The following DZANK1 variants were observed in gnomAD, a reference collection of about 807,000 sequenced individuals.
DZANK1 encodes double zinc ribbon and ankyrin repeat domains 1, also known as double zinc ribbon and ankyrin repeat-containing protein 1.
In DZANK1, 91 loss-of-function variants were observed where a neutral mutation model predicts 94.5. The observed-to-expected ratio is 0.96, with a 90% CI of 0.81 to 1.15. The LOEUF (loss-of-function observed/expected upper bound fraction) is 1.15, where lower values mean the gene tolerates loss of function less well. Ranked by LOEUF, DZANK1 falls within the 50% of genes most tolerant of loss-of-function variation. The pLI is 0.00. For synonymous variants in DZANK1, 312 were observed against 325.3 expected (o/e 0.96, Z 0.44); for missense variants, 903 against 916.4 (o/e 0.99, Z 0.19).
intron 7 of DZANK1, among the ~76,000 whole-genome samples, chr20:18,447,243 A>AG (rs2058911413): frequency 1.3e-5 from 2 of 152,058 alleles, no homozygotes; most frequent in Non-Finnish European, 2.9e-5. Context: ...TGGGAGGTTG[A>AG]GGGGAGCAGA....
At chr20:18,392,164 TAC>T (rs1347820589) in intron 17 of DZANK1, among the ~76,000 whole-genome samples, 11 of 152,242 alleles carry the variant, frequency 7.2e-5, no homozygotes, top group African/African-American at 2.4e-4. Context: ...ATTCAGGTTA[TAC>T]ACAGAGTAAA....
chr20:18,438,218 CAAAAAAA>C (rs761846698), intron 8 of DZANK1, among the ~76,000 whole-genome samples: 1 of 57,756 alleles, frequency 1.7e-5, no homozygotes, highest in African/African-American at 7.2e-5. Flanking sequence ...GACTCTGTCT[CAAAAAAA>C]AAAAAAAAAA....
chr20:18,447,431 C>G (rs1601097762), intron 7 of DZANK1, among the ~76,000 whole-genome samples: 1 of 152,222 alleles, frequency 6.6e-6, no homozygotes. Flanking sequence ...AAGCGATTCT[C>G]CTGCCTCAGC....
chr20:18,386,807 T>C (rs550790250), intron 19 of DZANK1, among the ~76,000 whole-genome samples: 1 of 152,176 alleles, frequency 6.6e-6, no homozygotes, highest in African/African-American at 2.4e-5. Context: ...AAAGGCCAAC[T>C]GGGTGAATCA....
intron 3 of DZANK1, among the ~76,000 whole-genome samples, chr20:18,459,275 A>C (rs1237604727): frequency 1.3e-5 from 2 of 152,264 alleles, no homozygotes; most frequent in Non-Finnish European, 2.9e-5. Context: ...CACACACTTT[A>C]AAACAATAAT....
chr20:18,464,083 T>G (rs1231145515), intron 2 of DZANK1, among the ~76,000 whole-genome samples: 2 of 151,996 alleles, frequency 1.3e-5, no homozygotes, highest in Admixed American at 1.3e-4. Flanking sequence ...CTTTTTCTTT[T>G]TTTTTTTTGA....
intron 9 of DZANK1, among the ~76,000 whole-genome samples, chr20:18,429,284 A>G (rs2056065740): frequency 6.6e-6 from 1 of 152,230 alleles, no homozygotes; most frequent in Non-Finnish European, 1.5e-5. Context: ...TTACTTCTCA[A>G]GTCCAACGGC....
exon 16 of DZANK1, chr20:18,394,343 T>A: frequency 6.2e-7 from 1 of 1,613,478 alleles, no homozygotes; most frequent in Non-Finnish European, 8.5e-7. Flanking sequence ...CTTGTTCAGG[T>A]AAAGGTTCTG....
exon 3 of DZANK1, chr20:18,460,270 C>T (rs2059430577): frequency 1.3e-6 from 2 of 1,584,692 alleles, no homozygotes; most frequent in Non-Finnish European, 1.7e-6. Flanking sequence ...AGGTTTGCTG[C>T]CATCCAGAGT....
intron 4 of DZANK1, 99 bp from the exon 5 acceptor site, chr20:18,453,926 G>C (rs1228069941): frequency 1.2e-6 from 1 of 855,800 alleles, no homozygotes; most frequent in East Asian, 2.4e-5. Flanking sequence ...TTTCTTATTT[G>C]AAAGAGTTTA....
At chr20:18,387,832 G>A (rs982565333) in intron 19 of DZANK1, among the ~76,000 whole-genome samples, 5 of 152,226 alleles carry the variant, frequency 3.3e-5, no homozygotes, top group Non-Finnish European at 7.3e-5. Context: ...CTGGTGAAGA[G>A]ACCACCTAGG....
At chr20:18,451,891 C>T (rs1160500703) in intron 6 of DZANK1, 1 of 518,744 alleles carries the variant, frequency 1.9e-6, no homozygotes, top group Non-Finnish European at 3.8e-6. Context: ...TCTCCCTTTC[C>T]TCTTCCATGG....
intron 13 of DZANK1, among the ~76,000 whole-genome samples, chr20:18,401,564 C>T (rs915157879): frequency 1.3e-5 from 2 of 152,188 alleles, no homozygotes; most frequent in African/African-American, 4.8e-5. Context: ...TCAAATAGGG[C>T]TATGGGATCC....
chr20:18,458,154 T>C (rs1356883846), intron 3 of DZANK1, among the ~76,000 whole-genome samples: 1 of 152,246 alleles, frequency 6.6e-6, no homozygotes, highest in Non-Finnish European at 1.5e-5. Context: ...TTAATACACA[T>C]TGTCTGGCTC....
rs761724065 is a variant in DZANK1 at position 18,415,309 on chromosome 20, C to T, written c.1077+18G>A. Reference sequence around the variant, plus strand: ...GTGAGGTGCTCAGTATACAGAATCTCAGTTTTAAAATACCCACCATGGCTC... The same window carrying T: ...GTGAGGTGCTCAGTATACAGAATCTTAGTTTTAAAATACCCACCATGGCTC... On this transcript the variant is annotated intron_variant, in intron 11 of 20. Transcript: ENST00000262547. 4.6e-6 allele frequency: 7 copies of T among 1,517,832 alleles called. No homozygotes were observed. The South Asian group carries it at 9.0e-5, about 20-fold the overall frequency. The allele number at this position is 1,517,832 out of a possible 1,614,324, so 94.0% of individuals were successfully genotyped here.
rs926215666 is a variant in DZANK1, at chr20:18,414,449, G to A, written c.1141C>T (p.Arg381Ter). The A allele has an allele frequency of 4.3e-6, 7 of 1,613,796 alleles. 1 individual carries two copies. Among genetic ancestry groups the A allele is most frequent in the South Asian group, 3.3e-5 (3 of 91,042 alleles). ...CAAATACCACAGGAGCCACAGAATC[G>A]GGCAGACAGGTGATTGCTGGCCCCA... The change falls in exon 12 of 21, where the codon CGA becomes TGA. Residue 381 changes from arginine to a stop codon, truncating the protein, a stop_gained. Transcript: ENST00000262547. LOFTEE classifies it high-confidence loss of function.
At chr20:18,396,238 T>C (rs1267171613) in intron 15 of DZANK1, among the ~76,000 whole-genome samples, 1 of 152,232 alleles carries the variant, frequency 6.6e-6, no homozygotes, top group Non-Finnish European at 1.5e-5. Flanking sequence ...CAGACTTCAG[T>C]GAGTCTGAAT....
At chr20:18,440,918 T>C (rs904951829) in intron 8 of DZANK1, among the ~76,000 whole-genome samples, 7 of 152,200 alleles carry the variant, frequency 4.6e-5, no homozygotes, top group African/African-American at 1.7e-4. Context: ...TTAACAGACA[T>C]TATAAGTCCC....
intron 11 of DZANK1, among the ~76,000 whole-genome samples, chr20:18,414,838 G>C (rs1273646120): frequency 6.6e-6 from 1 of 152,194 alleles, no homozygotes; most frequent in Non-Finnish European, 1.5e-5. Flanking sequence ...CACCTTGCTA[G>C]GTGAAAATAA....
Sources: allele counts gnomAD v4.1 joint callset (sites outside exome capture counted in the v4.1 genomes callset), GRCh38; gene constraint gnomAD v4.1.1; transcripts MANE v1.5; gene names NCBI Gene and HGNC (gene_info 2026-07-23, HGNC 2026-07-21).